Variants in ACBD6 observed in about 807,000 individuals in gnomAD.
The protein encoded by ACBD6 is acyl-CoA binding domain containing 6.
ACBD6 carries 28 observed loss-of-function variants against 37.2 expected under a neutral mutation model. That is an observed-to-expected ratio of 0.75 (90% confidence interval 0.56 to 1.03). The LOEUF is 1.03. Among genes scored for constraint, ACBD6 ranks in the 50% least tolerant of loss-of-function variants. The pLI, the probability that ACBD6 is intolerant of heterozygous loss-of-function variation, is 0.00. For missense variants in ACBD6, 340 were observed against 337.4 expected (o/e 1.01, Z -0.06); for synonymous variants, 113 against 126.8 (o/e 0.89, Z 0.73).
intron 3 of ACBD6, among the ~76,000 whole-genome samples, chr1:180,457,028 TAGAA>T (rs1649952262): frequency 1.3e-5 from 2 of 152,178 alleles, no homozygotes; most frequent in South Asian, 4.1e-4. Context: ...CTAGAAACCG[TAGAA>T]AGACAGTAGA....
At chr1:180,299,331 G>A (rs1259473544) in intron 7 of ACBD6, among the ~76,000 whole-genome samples, 2 of 152,156 alleles carry the variant, frequency 1.3e-5, no homozygotes, top group Admixed American at 6.5e-5. Context: ...GGGATATACT[G>A]GTGCCCACAA....
At chr1:180,303,724 GA>G (rs1480562807) in intron 7 of ACBD6, among the ~76,000 whole-genome samples, 1 of 150,726 alleles carries the variant, frequency 6.6e-6, no homozygotes, top group African/African-American at 2.4e-5. Flanking sequence ...CCAATCAATA[GA>G]AAAAGATGGA....
intron 3 of ACBD6, among the ~76,000 whole-genome samples, chr1:180,461,799 A>G (rs1426261916): frequency 6.6e-6 from 1 of 152,152 alleles, no homozygotes; most frequent in East Asian, 1.9e-4. Flanking sequence ...AAAAGGAAAA[A>G]CCACTACCAG....
chr1:180,502,229 C>G lies in ACBD6; in HGVS notation c.38G>C (p.Gly13Ala). 1 of 1,613,824 alleles carries G rather than the reference C, an allele frequency of 6.2e-7. No individual in the cohort carries two copies. The highest frequency in any genetic ancestry group is 8.5e-7 in the Non-Finnish European group (1 of 1,180,046). Residue 13 changes from glycine (G) to alanine (A), a missense_variant, in exon 1 of 8, where the codon GGC becomes GCC. By Grantham distance (60) the Gly-to-Ala change is moderately conservative. Transcript: ENST00000367595. Reference sequence around the variant, plus strand: ...TGAGCTCAGCTCTCCACCGCTGTCGCCGGTGATGGCCCCCGCGGGCAGGAA... The same window carrying G: ...TGAGCTCAGCTCTCCACCGCTGTCGGCGGTGATGGCCCCCGCGGGCAGGAA... ...SSFLPAGAIT[G>A]DSGGELSSGD...
intron 1 of ACBD6, among the ~76,000 whole-genome samples, chr1:180,499,929 ATTT>A (rs1382359227): frequency 9.2e-5 from 14 of 152,092 alleles, no homozygotes; most frequent in Non-Finnish European, 1.5e-5. Context: ...AACAAGGTTC[ATTT>A]TTACTCAGTA....
At chr1:180,389,312 C>A (rs540233380) in intron 6 of ACBD6, among the ~76,000 whole-genome samples, 1 of 152,282 alleles carries the variant, frequency 6.6e-6, no homozygotes, top group East Asian at 1.9e-4. Context: ...TCATCCATGT[C>A]CCTACAAAGA....
At chr1:180,440,282 C>CA (rs1193567730) in intron 3 of ACBD6, among the ~76,000 whole-genome samples, 1 of 151,678 alleles carries the variant, frequency 6.6e-6, no homozygotes, top group Non-Finnish European at 1.5e-5. Context: ...CTAATTTTTG[C>CA]ATTTTTAGTA....
At chr1:180,376,711 G>A (rs1334788096) in intron 6 of ACBD6, among the ~76,000 whole-genome samples, 2 of 152,142 alleles carry the variant, frequency 1.3e-5, no homozygotes, top group Non-Finnish European at 2.9e-5. Context: ...GGGAGTGGGT[G>A]AAAAAGGACT....
intron 6 of ACBD6, among the ~76,000 whole-genome samples, chr1:180,376,165 T>C (rs981073313): frequency 5.9e-5 from 9 of 152,152 alleles, no homozygotes; most frequent in Non-Finnish European, 1.3e-4. Flanking sequence ...AATTCTAAAA[T>C]GTGAGAGAGC....
downstream of ACBD6, among the ~76,000 whole-genome samples, chr1:180,284,292 C>T (rs1649401467): frequency 6.6e-6 from 1 of 152,012 alleles, no homozygotes; most frequent in Non-Finnish European, 1.5e-5. Context: ...ATTAAAGATA[C>T]TCAAGGTAAA....
Position 180,278,099 on chromosome 1 carries a change from C to T in ACBD6, c.*175-2687G>A, listed in dbSNP as rs538695571. 3.9e-5 allele frequency: 6 copies of T among 152,314 alleles called. 1 individual carries two copies. The South Asian group carries it at 1.0e-3, about 26-fold the overall frequency. 9.4% of individuals were successfully genotyped at this position (152,314 alleles called of 1,614,324 possible). A position where few individuals can be genotyped will look rare whatever the true frequency, so the allele number is the denominator to read the frequency against. ...GTTGTATGACAGTCCACTCTCTGCACCTACACTTCCACGTGCCACGACTGA... is the reference window on the plus strand; with the variant it reads ...GTTGTATGACAGTCCACTCTCTGCATCTACACTTCCACGTGCCACGACTGA... On this transcript the variant is annotated intron_variant, in intron 9 of 13. Coordinates refer to the ACBD6 transcript ENST00000642319.
intron 6 of ACBD6, among the ~76,000 whole-genome samples, chr1:180,349,842 C>T (rs1410396288): frequency 6.6e-6 from 1 of 152,034 alleles, no homozygotes; most frequent in Non-Finnish European, 1.5e-5. Context: ...CTAAATGTCA[C>T]TGTAAAACTG....
At chr1:180,403,922 G>A (rs1028997717) in intron 5 of ACBD6, among the ~76,000 whole-genome samples, 1 of 152,048 alleles carries the variant, frequency 6.6e-6, no homozygotes, top group African/African-American at 2.4e-5. Flanking sequence ...GCCAGGGGAA[G>A]GGAGGAATGG....
rs138054044 is a variant in ACBD6, at chr1:180,274,605, C to T, written c.*936+46G>A. The T allele has an allele frequency of 4.0e-3, 6,184 of 1,535,252 alleles. 370 individuals carry two copies. In the Admixed American group the frequency reaches 0.09, roughly 22 times the overall value. ...ACTTCTCTCCTCCCCACCCTACCTG[C>T]CCCCCTGGCTTGAGAGAATATCTTC... is the stretch of plus-strand genomic sequence containing the variant. On this transcript the variant is annotated intron_variant, in intron 10 of 13. Transcript: ENST00000642319.
chr1:180,350,918 CCA>C (rs1652384725), intron 6 of ACBD6, among the ~76,000 whole-genome samples: 1 of 152,172 alleles, frequency 6.6e-6, no homozygotes, highest in African/African-American at 2.4e-5. Context: ...AGGGCAGGAA[CCA>C]CAGTTTGTAC....
intron 4 of ACBD6, among the ~76,000 whole-genome samples, chr1:180,423,930 A>C (rs1233087440): frequency 6.6e-6 from 1 of 152,218 alleles, no homozygotes; most frequent in East Asian, 1.9e-4. Flanking sequence ...TAATCGATCC[A>C]AAGGAAATAT....
At chr1:180,336,019 T>G (rs1216259626) in intron 6 of ACBD6, among the ~76,000 whole-genome samples, 1 of 151,790 alleles carries the variant, frequency 6.6e-6, no homozygotes, top group South Asian at 2.1e-4. Context: ...AAGCAAGTCC[T>G]TAGAGACCTA....
intron 5 of ACBD6, among the ~76,000 whole-genome samples, chr1:180,404,071 C>T (rs1057396523): frequency 7.2e-5 from 11 of 152,074 alleles, no homozygotes; most frequent in African/African-American, 2.7e-4. Context: ...CTGCCTCAGT[C>T]TCCCGAGTAG....
chr1:180,469,635 G>A (rs76608158), intron 3 of ACBD6, among the ~76,000 whole-genome samples: 5,496 of 152,180 alleles, frequency 0.036, 309 homozygotes, highest in African/African-American at 0.12. Context: ...AATTGATCCC[G>A]TAAGAATCGA....
Sources: gnomAD v4.1 joint callset for allele counts (sites outside exome capture counted in the v4.1 genomes callset) on GRCh38, gnomAD v4.1.1 for gene constraint, MANE v1.5 for transcripts, NCBI Gene and HGNC (gene_info 2026-07-23, HGNC 2026-07-21) for gene names.